Variants in WRN observed in about 807,000 individuals in gnomAD.
WRN encodes bifunctional 3'-5' exonuclease/ATP-dependent helicase WRN.
WRN carries 149 observed loss-of-function variants against 180.7 expected under a neutral mutation model. That is an observed-to-expected ratio of 0.82 (90% CI 0.72 to 0.94). WRN has a LOEUF of 0.94. WRN is among the 40% of genes least tolerant of loss of function. The pLI is 0.00. For missense variants in WRN, 1,661 were observed against 1,700.1 expected, an observed-to-expected ratio of 0.98 and a Z score of 0.40; for synonymous variants, 548 against 568.9, an observed-to-expected ratio of 0.96 and a Z score of 0.52.
At chr8:31,160,588 A>G (rs1803573261) in intron 33 of WRN, among the ~76,000 whole-genome samples, 1 of 152,236 alleles carries the variant, frequency 6.6e-6, no homozygotes, top group Non-Finnish European at 1.5e-5. Context: ...CTTCATGCTC[A>G]TCGTGTGGAA....
intron 1 of WRN, among the ~76,000 whole-genome samples, chr8:31,035,862 C>G (rs1811435374): frequency 6.6e-6 from 1 of 152,120 alleles, no homozygotes; most frequent in African/African-American, 2.4e-5. Context: ...TTTCATTACC[C>G]AAAAGAGAAT....
At chr8:31,145,516 A>G (rs1269620712) in intron 28 of WRN, among the ~76,000 whole-genome samples, 4 of 152,192 alleles carry the variant, frequency 2.6e-5, no homozygotes, top group African/African-American at 7.2e-5. Flanking sequence ...CTCATTGACA[A>G]CACTTAGTCA....
Position 31,101,931 on chromosome 8 carries a change from T to TA in WRN, c.2088+987dup, listed in dbSNP as rs544146921. Among the ~76,000 whole-genome samples, 911 of 147,944 alleles carry TA rather than the reference T, an allele frequency of 6.2e-3. 6 individuals are homozygous for TA. The highest frequency in any genetic ancestry group is 4.9e-3 in the Non-Finnish European group (324 of 66,518). On this transcript the variant is annotated intron_variant, in intron 18 of 34. Coordinates refer to ENST00000298139, the MANE Select transcript of WRN (RefSeq NM_000553.6). ...AAAATTGTAGATTCACAAGAAGTTG[T>TA]AAAAAAAAAAATACCTATATAGAGG...
At chr8:31,150,585 T>A in intron 31 of WRN, 130 bp downstream of exon 31, 1 of 772,904 alleles carries the variant, frequency 1.3e-6, no homozygotes, top group Non-Finnish European at 2.2e-6. Context: ...GAAAATGAAT[T>A]AAAATTGTTT....
At chr8:31,076,918 C>T (rs995797478) in intron 8 of WRN, among the ~76,000 whole-genome samples, 3 of 152,106 alleles carry the variant, frequency 2.0e-5, no homozygotes, top group African/African-American at 7.2e-5. Context: ...GGAATCAGAC[C>T]TTGTCCTGGC....
chr8:31,071,623 A>G (rs1211964728), intron 7 of WRN, among the ~76,000 whole-genome samples: 1 of 152,156 alleles, frequency 6.6e-6, no homozygotes, highest in Admixed American at 6.5e-5. Context: ...CTGGGATTAC[A>G]GGTGCCTGCC....
chr8:31,045,649 G>A (rs1352840505), intron 1 of WRN, among the ~76,000 whole-genome samples: 5 of 152,038 alleles, frequency 3.3e-5, no homozygotes, highest in African/African-American at 4.8e-5. Context: ...TGATCTGCCC[G>A]CCTCGGCCTC....
Position 31,082,678 on chromosome 8 carries a change from C to T in WRN, c.1270-1021C>T, listed in dbSNP as rs1452154586. On this transcript the variant is annotated intron_variant, in intron 9 of 34. Coordinates refer to ENST00000298139, the MANE Select transcript of WRN (RefSeq NM_000553.6). ...GTGGCGCAGTCTTGGCTCACTACAA[C>T]CTCTGCCTCCCCGGTTCAAGTGATT... 3.3e-5 allele frequency among the ~76,000 whole-genome samples: 5 copies of T among 151,864 alleles called. No homozygotes were observed. In the East Asian group the frequency reaches 9.6e-4, roughly 29 times the overall value.
chr8:31,146,410 G>A (rs1802859575), intron 28 of WRN, among the ~76,000 whole-genome samples: 1 of 151,484 alleles, frequency 6.6e-6, no homozygotes, highest in African/African-American at 2.4e-5. Context: ...TTTTCCTTGT[G>A]TTAGTGATTG....
chr8:31,172,508 G>A (rs557661880), intron 34 of WRN, among the ~76,000 whole-genome samples: 2 of 152,268 alleles, frequency 1.3e-5, no homozygotes, highest in East Asian at 1.9e-4. Context: ...TGTTTGTTAA[G>A]CGTACTATGC....
At chr8:31,123,901 T>C (rs1016477765) in intron 21 of WRN, among the ~76,000 whole-genome samples, 5 of 152,122 alleles carry the variant, frequency 3.3e-5, no homozygotes, top group Non-Finnish European at 7.4e-5. Context: ...CTTAATGTTA[T>C]TTAACAATTT....
intron 1 of WRN, among the ~76,000 whole-genome samples, chr8:31,036,693 T>C (rs1291180315): frequency 6.6e-6 from 1 of 152,218 alleles, no homozygotes; most frequent in African/African-American, 2.4e-5. Context: ...TTTTTAAATA[T>C]GGTTTTTTAA....
intron 1 of WRN, among the ~76,000 whole-genome samples, chr8:31,055,322 A>G (rs1241300449): frequency 6.6e-6 from 1 of 152,192 alleles, no homozygotes; most frequent in African/African-American, 2.4e-5. Flanking sequence ...GAATCGCCAC[A>G]CTGTCTTCCA....
chr8:31,036,086 G>A (rs1263069473), intron 1 of WRN, among the ~76,000 whole-genome samples: 1 of 152,000 alleles, frequency 6.6e-6, no homozygotes, highest in Non-Finnish European at 1.5e-5. Context: ...AAATTTTTTA[G>A]CTCCCACATA....
intron 30 of WRN, among the ~76,000 whole-genome samples, chr8:31,149,771 G>T (rs536186118): frequency 3.9e-5 from 6 of 152,108 alleles, no homozygotes; most frequent in African/African-American, 1.4e-4. Flanking sequence ...CACAGTGCCT[G>T]GCCCAGAGGA....
At chr8:31,118,383 A>T (rs746216802) in intron 20 of WRN, among the ~76,000 whole-genome samples, 1 of 152,050 alleles carries the variant, frequency 6.6e-6, no homozygotes. Context: ...AGCTGGCCCA[A>T]TGTACTCCTA....
Position 31,065,053 on chromosome 8 carries a change from C to T in WRN, c.494C>T (p.Ala165Val), listed in dbSNP as rs1812641932. 6.2e-7 allele frequency: 1 copy of T among 1,612,502 alleles called. No individual in the cohort carries two copies. The highest frequency in any genetic ancestry group is 1.1e-5 in the South Asian group (1 of 90,908). ...LKNFVELTDV[A>V]NKKLKCTETW... is the part of the protein sequence containing the mutation. ...AATTTTGTGGAGTTGACAGATGTTG[C>T]CAATAAAAAGGTAAAAGCAATATAT... The change falls in exon 5 of 35, where the codon GCC becomes GTC. Residue 165 changes from alanine to valine, a missense_variant. Transcript: ENST00000298139.
intron 21 of WRN, among the ~76,000 whole-genome samples, chr8:31,122,312 A>C (rs1801754093): frequency 6.6e-6 from 1 of 152,010 alleles, no homozygotes; most frequent in Admixed American, 6.6e-5. Context: ...TTCTAGAAAA[A>C]ACTAGAAAGT....
intron 14 of WRN, 71 bp from the exon 15 acceptor site, chr8:31,090,763 T>C: frequency 7.6e-7 from 1 of 1,313,028 alleles, no homozygotes; most frequent in South Asian, 1.3e-5. Context: ...TAAAAAGAAA[T>C]GAAAGCATCA....
Sources: gnomAD v4.1 joint callset for allele counts (sites outside exome capture counted in the v4.1 genomes callset) on GRCh38, gnomAD v4.1.1 for gene constraint, MANE v1.5 for transcripts, NCBI Gene and HGNC (gene_info 2026-07-23, HGNC 2026-07-21) for gene names.